Variants in PMPCB observed in about 807,000 individuals in gnomAD.
The protein encoded by PMPCB is mitochondrial-processing peptidase subunit beta.
Under a neutral mutation model 61.5 loss-of-function variants are expected in PMPCB, and 46 were observed. That is an observed-to-expected ratio of 0.75 (90% CI 0.59 to 0.96). The LOEUF (loss-of-function observed/expected upper bound fraction) is 0.96. PMPCB is among the 40% of genes least tolerant of loss of function. The probability of loss-of-function intolerance (pLI) is 0.00; values close to 1 mark genes in which losing one functional copy is unlikely to be tolerated. For missense variants in PMPCB, 590 were observed against 602.4 expected (o/e 0.98, Z 0.22); for synonymous variants, 191 against 201.6 (o/e 0.95, Z 0.44).
chr7:103,328,620 G>A (rs186245124), intron 12 of PMPCB, among the ~76,000 whole-genome samples: 64 of 151,358 alleles, frequency 4.2e-4, no homozygotes, highest in African/African-American at 1.3e-3. Flanking sequence ...GACAGAGTGA[G>A]ACTCTGTGTC....
intron 6 of PMPCB, 107 bp from the exon 7 acceptor site, chr7:103,307,489 T>A (rs1272808926): frequency 3.1e-6 from 2 of 641,062 alleles, no homozygotes; most frequent in East Asian, 5.6e-5. Context: ...TGGCTTTTAG[T>A]GAGTGTAGAT....
At chr7:103,338,129 G>A in the PMPCB span, among the ~76,000 whole-genome samples, 3 of 152,112 alleles carry the variant, frequency 2.0e-5, no homozygotes, top group East Asian at 3.9e-4. Flanking sequence ...AATTAGCTGG[G>A]TGTGGTGGTG....
chr7:103,324,101 G>GA (rs1296280806), intron 12 of PMPCB, among the ~76,000 whole-genome samples: 3 of 152,120 alleles, frequency 2.0e-5, no homozygotes, highest in African/African-American at 7.2e-5. Flanking sequence ...CATTTGATGA[G>GA]AAAATGTAGC....
downstream of PMPCB, among the ~76,000 whole-genome samples, chr7:103,330,364 T>G (rs1485004271): frequency 1.3e-5 from 2 of 152,120 alleles, no homozygotes; most frequent in Non-Finnish European, 2.9e-5. Context: ...CTCAGCTCAC[T>G]GTAGTCTTAA....
At chr7:103,338,450 C>T in the PMPCB span, among the ~76,000 whole-genome samples, 2 of 151,534 alleles carry the variant, frequency 1.3e-5, no homozygotes, top group Non-Finnish European at 2.9e-5. Context: ...GTGCACACCA[C>T]CACGCCTGGC....
At chr7:103,338,201 T>C in the PMPCB span, among the ~76,000 whole-genome samples, 1 of 150,116 alleles carries the variant, frequency 6.7e-6, no homozygotes, top group African/African-American at 2.5e-5. Context: ...GTCTAGTAAG[T>C]AGAGGCTGCA....
rs775228225 is a variant in PMPCB, at chr7:103,299,480, A to G, written c.278A>G (p.Asn93Ser). ...ATTGATGCTGGAAGTAGATACGAAA[A>G]TGAGAAGAACAATGGAACAGCACAC... ...LWIDAGSRYENEKNNGTAHFL... is the reference protein window; with the variant it reads ...LWIDAGSRYESEKNNGTAHFL... The change falls in exon 3 of 13, where the codon AAT becomes AGT. Residue 93 changes from asparagine (N) to serine (S), a missense_variant. By Grantham distance (46) the Asn-to-Ser change is conservative. Transcript: ENST00000249269. 1.2e-6 allele frequency: 2 copies of G among 1,613,064 alleles called. No homozygotes were observed. Among genetic ancestry groups the G allele is most frequent in the African/African-American group, 2.7e-5 (2 of 75,048 alleles).
rs961936284 is a variant in PMPCB, at chr7:103,313,756, A to C, written c.*1485A>C. The C allele has an allele frequency of 2.0e-6, 2 of 985,130 alleles. No individual in the cohort carries two copies. Among genetic ancestry groups the C allele is most frequent in the Admixed American group, 6.1e-5 (1 of 16,266 alleles). 61.0% of individuals were successfully genotyped at this position (985,130 alleles called of 1,614,324 possible). A position where few individuals can be genotyped will look rare whatever the true frequency, so the allele number is the denominator to read the frequency against. On this transcript the variant is annotated 3_prime_UTR_variant, in exon 13 of 13. Coordinates refer to ENST00000249269, the MANE Select transcript of PMPCB (RefSeq NM_004279.3). The stretch of plus-strand genomic sequence containing the variant: ...AACTAAACCTTGTATATTTCAGAAA[A>C]CATCTAAGATGTGTGTCAGAAACAA...
chr7:103,319,447 A>C (rs563697977), downstream of PMPCB, among the ~76,000 whole-genome samples: 1 of 152,316 alleles, frequency 6.6e-6, no homozygotes, highest in African/African-American at 2.4e-5. Context: ...AAAACAAAAA[A>C]CCAAAAAACC....
chr7:103,301,018 T>A (rs1478835151), intron 4 of PMPCB, among the ~76,000 whole-genome samples: 1 of 152,224 alleles, frequency 6.6e-6, no homozygotes, highest in African/African-American at 2.4e-5. Context: ...GGTCCTTCTG[T>A]AGTTGTAGTT....
the PMPCB span, among the ~76,000 whole-genome samples, chr7:103,340,446 T>C: frequency 2.6e-5 from 4 of 152,222 alleles, no homozygotes; most frequent in African/African-American, 9.6e-5. Flanking sequence ...ACCAATGACA[T>C]AGGAACTCTT....
chr7:103,341,851 C>G, the PMPCB span: 2 of 1,612,936 alleles, frequency 1.2e-6, no homozygotes, highest in East Asian at 2.2e-5. Flanking sequence ...ATAACTCTTT[C>G]TTATCCTCCA....
chr7:103,316,639 T>C (rs118010809), downstream of PMPCB: 2,717 of 581,914 alleles, frequency 4.7e-3, 12 homozygotes, highest in Non-Finnish European at 6.8e-3. Context: ...CATATGTATA[T>C]GTGCATGTGT....
the PMPCB span, chr7:103,345,216 A>G: frequency 1.3e-5 from 2 of 154,502 alleles, no homozygotes; most frequent in African/African-American, 4.8e-5. Context: ...TTACTAATTT[A>G]CCTGCATTAT....
the PMPCB span, among the ~76,000 whole-genome samples, chr7:103,345,663 C>T: frequency 6.6e-5 from 10 of 150,414 alleles, no homozygotes; most frequent in Non-Finnish European, 1.2e-4. Context: ...ACTATGTTGC[C>T]CAAGGTGGTC....
downstream of PMPCB, among the ~76,000 whole-genome samples, chr7:103,329,843 T>A (rs981347408): frequency 6.6e-6 from 1 of 152,230 alleles, no homozygotes; most frequent in Non-Finnish European, 1.5e-5. Context: ...AACTCTCTTT[T>A]GCTTTTCTAG....
chr7:103,321,902 T>C (rs756541672), intron 12 of PMPCB: 77 of 1,575,522 alleles, frequency 4.9e-5, no homozygotes, highest in Non-Finnish European at 6.4e-5. Flanking sequence ...TTGATTTACT[T>C]GTGCCTAGTG....
chr7:103,297,494 C>G lies in PMPCB; in HGVS notation c.35C>G (p.Ser12Cys). 1 of 1,572,910 alleles carries G rather than the reference C, an allele frequency of 6.4e-7. No homozygotes were observed. Among genetic ancestry groups the G allele is most frequent in the South Asian group, 1.2e-5 (1 of 84,802 alleles). Reference protein sequence around the residue: ...AAAAARVVLSSAARRRLWGFS... With the variant: ...AAAAARVVLSCAARRRLWGFS... Reference sequence around the variant, plus strand: ...GCGGCGGCTCGAGTGGTGTTGTCATCCGCGGCGCGGCGGCGGCTCTGGGGT... The same window carrying G: ...GCGGCGGCTCGAGTGGTGTTGTCATGCGCGGCGCGGCGGCGGCTCTGGGGT... The change falls in exon 1 of 13, where the codon TCC becomes TGC. Residue 12 changes from serine (S) to cysteine (C), a missense_variant. By Grantham distance (112) the Ser-to-Cys change is moderately radical. Coordinates refer to ENST00000249269, the MANE Select transcript of PMPCB (RefSeq NM_004279.3).
At position 103,312,888 on chromosome 7, in the gene PMPCB, C is replaced by G; in HGVS notation, c.*617C>G. The G allele has an allele frequency of 8.9e-6, 14 of 1,566,410 alleles. No homozygotes were observed. Among genetic ancestry groups the G allele is most frequent in the Non-Finnish European group, 1.2e-5 (14 of 1,162,182 alleles). Reference sequence around the variant, plus strand: ...CCACTTAATAGACATAAAATATGAGCTATATCACCCAAGCTACAATTTAAA... The same window carrying G: ...CCACTTAATAGACATAAAATATGAGGTATATCACCCAAGCTACAATTTAAA... On this transcript the variant is annotated 3_prime_UTR_variant, in exon 13 of 13. Transcript: ENST00000249269.
Sources: gnomAD v4.1 joint callset for allele counts (sites outside exome capture counted in the v4.1 genomes callset) on GRCh38, gnomAD v4.1.1 for gene constraint, MANE v1.5 for transcripts, NCBI Gene and HGNC (gene_info 2026-07-23, HGNC 2026-07-21) for gene names.